The following DCBLD1 variants were observed in gnomAD, a reference collection of about 807,000 sequenced individuals.
DCBLD1 encodes discoidin, CUB and LCCL domain containing 1.
DCBLD1 carries 57 observed loss-of-function variants against 71.5 expected under a neutral mutation model. The observed-to-expected ratio is 0.80, with a 90% CI of 0.64 to 0.99. The LOEUF is 0.99. DCBLD1 is among the 50% of genes least tolerant of loss of function. The pLI, the probability that DCBLD1 is intolerant of heterozygous loss-of-function variation, is 0.00. For synonymous variants in DCBLD1, 380 were observed against 363.8 expected (o/e 1.04, Z -0.51); for missense variants, 891 against 923.5 (o/e 0.96, Z 0.46).
chr6:117,542,095 C>T (rs954856323), intron 11 of DCBLD1, among the ~76,000 whole-genome samples: 8 of 151,986 alleles, frequency 5.3e-5, no homozygotes, highest in Non-Finnish European at 1.2e-4. Context: ...GAGTCCGAGA[C>T]CAGCCCGGGC....
Position 117,548,852 on chromosome 6 carries a change from A to G in DCBLD1, c.*413A>G, listed in dbSNP as rs1481676359. The G allele has an allele frequency of 1.9e-6, 2 of 1,038,114 alleles. No individual in the cohort carries two copies. The highest frequency in any genetic ancestry group is 9.6e-5 in the East Asian group (1 of 10,384). The allele number at this position is 1,038,114 out of a possible 1,614,324, so 64.3% of individuals were successfully genotyped here. ...GGAAAATGCAGCTGTTGCAAAATGT[A>G]TATAAATAGTATGTTCATTTTTTTC... is the stretch of plus-strand genomic sequence containing the variant. On this transcript the variant is annotated 3_prime_UTR_variant, in exon 15 of 15. Coordinates refer to ENST00000338728, the MANE Select transcript of DCBLD1 (RefSeq NM_001366458.2).
At chr6:117,509,994 T>C (rs1214889109) in intron 2 of DCBLD1, among the ~76,000 whole-genome samples, 2 of 152,206 alleles carry the variant, frequency 1.3e-5, no homozygotes, top group African/African-American at 4.8e-5. Context: ...GAAGAACCTC[T>C]TGATTTTTCT....
intron 5 of DCBLD1, among the ~76,000 whole-genome samples, chr6:117,530,298 C>T (rs150595630): frequency 6.1e-4 from 93 of 152,214 alleles, no homozygotes; most frequent in Middle Eastern, 3.4e-3. Flanking sequence ...TTTCCACAGA[C>T]GGGGTGGGGG....
At chr6:117,489,832 C>T (rs948696360) in intron 1 of DCBLD1, among the ~76,000 whole-genome samples, 5 of 152,142 alleles carry the variant, frequency 3.3e-5, no homozygotes, top group Admixed American at 6.5e-5. Context: ...TTGCAGTGAG[C>T]GGAGATCACG....
intron 12 of DCBLD1, chr6:117,544,217 C>T (rs1779190423): frequency 4.0e-6 from 1 of 248,738 alleles, no homozygotes; most frequent in Admixed American, 5.5e-5. Context: ...ACCATGTGGT[C>T]ATGAGGAATT....
At chr6:117,489,741 C>G (rs9489212) in intron 1 of DCBLD1, among the ~76,000 whole-genome samples, 1 of 152,082 alleles carries the variant, frequency 6.6e-6, no homozygotes, top group East Asian at 1.9e-4. Flanking sequence ...AAAAATTAGC[C>G]GGGCGTGGTG....
chr6:117,536,642 G>A (rs762876638), intron 6 of DCBLD1, among the ~76,000 whole-genome samples: 5 of 152,198 alleles, frequency 3.3e-5, no homozygotes, highest in African/African-American at 7.2e-5. Flanking sequence ...GAGTGTGGCC[G>A]TGGAGAGAGA....
intron 11 of DCBLD1, 55 bp from the exon 12 acceptor site, chr6:117,543,069 A>G (rs1779152866): frequency 4.1e-6 from 6 of 1,449,614 alleles, no homozygotes; most frequent in Non-Finnish European, 5.8e-6. Context: ...TTAAATCATG[A>G]AAAGTGGTTG....
intron 5 of DCBLD1, among the ~76,000 whole-genome samples, chr6:117,526,276 GT>G (rs1778544929): frequency 6.6e-6 from 1 of 151,934 alleles, no homozygotes; most frequent in Non-Finnish European, 1.5e-5. Context: ...CCCCTTTTCT[GT>G]TTTTTTATTT....
At chr6:117,487,147 C>A (rs553136736) in intron 1 of DCBLD1, among the ~76,000 whole-genome samples, 1 of 152,256 alleles carries the variant, frequency 6.6e-6, no homozygotes, top group South Asian at 2.1e-4. Flanking sequence ...CCTCTTCCAA[C>A]AAAGTGTATA....
intron 2 of DCBLD1, among the ~76,000 whole-genome samples, chr6:117,507,330 C>T (rs960179564): frequency 2.0e-5 from 3 of 152,110 alleles, no homozygotes; most frequent in African/African-American, 7.2e-5. Flanking sequence ...CACAGTAATC[C>T]AGCAAAATAT....
chr6:117,563,154 A>T, intron 14 of DCBLD1: 1 of 1,140,868 alleles, frequency 8.8e-7, no homozygotes, highest in East Asian at 2.4e-5. Flanking sequence ...TTTAGGCAAC[A>T]AACAGCCTCC....
Position 117,482,908 on chromosome 6 carries a change from TC to T in DCBLD1, c.112+17del. On this transcript the variant is annotated intron_variant, in intron 1 of 14. Transcript: ENST00000338728. ...GGAGGAGCTGGGTGAGTGGAGCGCG[TC>T]CGGCTGGCGGCGGGACCCGAGGCGC... 8.4e-7 allele frequency: 1 copy of T among 1,184,862 alleles called. No homozygotes were observed. Among genetic ancestry groups the T allele is most frequent in the South Asian group, 3.2e-5 (1 of 31,624 alleles). The allele number at this position is 1,184,862 out of a possible 1,614,324, so 73.4% of individuals were successfully genotyped here.
intron 2 of DCBLD1, among the ~76,000 whole-genome samples, chr6:117,507,719 C>T (rs1001232583): frequency 2.6e-5 from 4 of 152,138 alleles, no homozygotes; most frequent in Non-Finnish European, 4.4e-5. Context: ...TCTCAGTCTT[C>T]CTTCATCTTT....
In DCBLD1 at chr6:117,482,904, C is replaced by A. The variant is rs1458596377; in HGVS notation, c.112+11C>A. The stretch of plus-strand genomic sequence containing the variant: ...AGGCGGAGGAGCTGGGTGAGTGGAG[C>A]GCGTCCGGCTGGCGGCGGGACCCGA... On this transcript the variant is annotated intron_variant, in intron 1 of 14. Coordinates refer to ENST00000338728, the MANE Select transcript of DCBLD1 (RefSeq NM_001366458.2). The A allele has an allele frequency of 2.6e-5, 31 of 1,190,758 alleles. No individual in the cohort carries two copies. Among genetic ancestry groups the A allele is most frequent in the Admixed American group, 4.1e-5 (1 of 24,184 alleles). 73.8% of individuals were successfully genotyped at this position (1,190,758 alleles called of 1,614,324 possible).
intron 1 of DCBLD1, among the ~76,000 whole-genome samples, chr6:117,487,183 C>T (rs1245814224): frequency 6.6e-6 from 1 of 152,136 alleles, no homozygotes; most frequent in Non-Finnish European, 1.5e-5. Context: ...TGACTGCCTT[C>T]CTCCTACTAG....
chr6:117,509,168 A>C (rs1777933141), intron 2 of DCBLD1, among the ~76,000 whole-genome samples: 1 of 152,150 alleles, frequency 6.6e-6, no homozygotes, highest in Non-Finnish European at 1.5e-5. Flanking sequence ...GCGACATCTC[A>C]TACCTGTAAT....
At chr6:117,522,438 GTT>G (rs537738936) in intron 4 of DCBLD1, among the ~76,000 whole-genome samples, 1 of 146,832 alleles carries the variant, frequency 6.8e-6, no homozygotes, top group African/African-American at 2.5e-5. Context: ...AACTATGACT[GTT>G]TTTTTTTTTC....
At chr6:117,525,302 T>C in intron 4 of DCBLD1, 60 bp from the exon 5 acceptor site, 1 of 1,292,946 alleles carries the variant, frequency 7.7e-7, no homozygotes. Context: ...TTAAGTACAG[T>C]TTAATTTTTT....
Sources: gnomAD v4.1 joint callset for allele counts (sites outside exome capture counted in the v4.1 genomes callset) on GRCh38, gnomAD v4.1.1 for gene constraint, MANE v1.5 for transcripts, NCBI Gene and HGNC (gene_info 2026-07-23, HGNC 2026-07-21) for gene names.